The following ARMC2 variants were observed in gnomAD, a reference collection of about 807,000 sequenced individuals.
ARMC2 encodes armadillo repeat-containing protein 2.
In ARMC2, 67 loss-of-function variants were observed where a neutral mutation model predicts 90.3. The ratio of observed to expected loss-of-function variants is 0.74; its 90% CI spans 0.61 to 0.91. The LOEUF (loss-of-function observed/expected upper bound fraction) is 0.91, where lower values mean the gene tolerates loss of function less well. ARMC2 is among the 40% of genes least tolerant of loss of function. The probability of loss-of-function intolerance (pLI) is 0.00; values close to 1 mark genes in which losing one functional copy is unlikely to be tolerated. For synonymous variants in ARMC2, 393 were observed against 393.0 expected (o/e 1.00, Z 0.00); for missense variants, 920 against 1,030.9 (o/e 0.89, Z 1.47).
rs971423123 is a variant in ARMC2 at position 108,883,247 on chromosome 6, A to G, written c.671+6897A>G. 3.8e-4 allele frequency among the ~76,000 whole-genome samples: 58 copies of G among 152,248 alleles called. 1 individual carries two copies. The highest frequency in any genetic ancestry group is 2.5e-4 in the Non-Finnish European group (17 of 68,050). ...AACTGAAGAATTGTATTGCCAGTCC[A>G]GTTGTACAGAAGCAACAGATAGACA... On this transcript the variant is annotated intron_variant, in intron 5 of 17. Coordinates refer to ENST00000392644, the MANE Select transcript of ARMC2 (RefSeq NM_032131.6).
At chr6:108,987,420 G>A in the ARMC2 span, 1 of 568,918 alleles carries the variant, frequency 1.8e-6, no homozygotes, top group Admixed American at 3.0e-5. Flanking sequence ...AGAAACTAAA[G>A]GAATCATGGC....
intron 16 of ARMC2, among the ~76,000 whole-genome samples, chr6:108,964,746 C>T (rs914957341): frequency 4.0e-5 from 6 of 151,472 alleles, no homozygotes; most frequent in Non-Finnish European, 8.8e-5. Flanking sequence ...GCCGAGATCG[C>T]GCGACTGCAC....
chr6:108,853,342 A>C (rs1774196061), intron 1 of ARMC2, among the ~76,000 whole-genome samples: 1 of 152,152 alleles, frequency 6.6e-6, no homozygotes, highest in Admixed American at 6.5e-5. Context: ...ATAGAAATGG[A>C]ATCTTTTTAG....
At chr6:108,885,244 G>GTGTT (rs2128447782) in intron 5 of ARMC2, among the ~76,000 whole-genome samples, 1 of 152,126 alleles carries the variant, frequency 6.6e-6, no homozygotes, top group Non-Finnish European at 1.5e-5. Context: ...GTGTGTGTGT[G>GTGTT]TGTGTGTATG....
chr6:109,007,917 G>T, the ARMC2 span, among the ~76,000 whole-genome samples: 1 of 150,634 alleles, frequency 6.6e-6, no homozygotes. Context: ...TCCGTTTCTT[G>T]AAAGTGTTTA....
At chr6:108,854,994 A>ATATT (rs1774399028) in intron 2 of ARMC2, among the ~76,000 whole-genome samples, 1 of 152,142 alleles carries the variant, frequency 6.6e-6, no homozygotes, top group African/African-American at 2.4e-5. Flanking sequence ...ACAGTATGTC[A>ATATT]CCTTTTCAGA....
At chr6:109,029,290 T>C in the ARMC2 span, among the ~76,000 whole-genome samples, 1 of 152,150 alleles carries the variant, frequency 6.6e-6, no homozygotes, top group African/African-American at 2.4e-5. Flanking sequence ...ACAATAGAAA[T>C]CACGGGTTAA....
chr6:109,051,665 T>C, the ARMC2 span, among the ~76,000 whole-genome samples: 4 of 152,256 alleles, frequency 2.6e-5, no homozygotes, highest in African/African-American at 9.6e-5. Flanking sequence ...AATGTGACAT[T>C]GTCTTACTCC....
At chr6:108,978,990 G>A (rs1223483718), downstream of ARMC2, among the ~76,000 whole-genome samples, 10 of 152,032 alleles carry the variant, frequency 6.6e-5, no homozygotes, top group Non-Finnish European at 1.5e-4. Context: ...CATTTAACCT[G>A]TTTACATTTA....
rs147199512 is a variant in ARMC2, at chr6:108,884,150, G to A, written c.671+7800G>A. On this transcript the variant is annotated intron_variant, in intron 5 of 17. Coordinates refer to ENST00000392644, the MANE Select transcript of ARMC2 (RefSeq NM_032131.6). The stretch of plus-strand genomic sequence containing the variant: ...TTTGTAGAGACCCTCCTTTCTGTCC[G>A]ATAAGCGTTTCCTGGTAAGCAATGC... 4.4e-3 allele frequency among the ~76,000 whole-genome samples: 663 copies of A among 152,248 alleles called. 3 individuals are homozygous for A. Among genetic ancestry groups the A allele is most frequent in the Non-Finnish European group, 8.0e-3 (544 of 68,006 alleles).
At chr6:108,920,148 T>A (rs944087530) in intron 10 of ARMC2, among the ~76,000 whole-genome samples, 1 of 152,194 alleles carries the variant, frequency 6.6e-6, no homozygotes, top group East Asian at 1.9e-4. Context: ...GTCTTTGGTA[T>A]TGATCACTAC....
chr6:108,893,796 C>T (rs933086406), intron 5 of ARMC2, among the ~76,000 whole-genome samples: 3 of 152,054 alleles, frequency 2.0e-5, no homozygotes, highest in African/African-American at 4.8e-5. Context: ...GCGGGCAGAT[C>T]GCCTGAGGTC....
intron 8 of ARMC2, among the ~76,000 whole-genome samples, chr6:108,909,394 A>G (rs1773162277): frequency 6.6e-6 from 1 of 151,836 alleles, no homozygotes; most frequent in Non-Finnish European, 1.5e-5. Context: ...ACTACTTTAG[A>G]TAAATACACA....
At chr6:108,902,143 G>A (rs1459689694) in intron 7 of ARMC2, among the ~76,000 whole-genome samples, 1 of 152,198 alleles carries the variant, frequency 6.6e-6, no homozygotes, top group Non-Finnish European at 1.5e-5. Context: ...AAGTTACTCT[G>A]AGATTATGTT....
chr6:108,861,998 G>A (rs944106938), intron 3 of ARMC2, among the ~76,000 whole-genome samples: 8 of 152,118 alleles, frequency 5.3e-5, no homozygotes, highest in Non-Finnish European at 1.0e-4. Flanking sequence ...TCTGTTTAGG[G>A]TCATTGAACT....
chr6:108,889,614 A>T (rs867580284), intron 5 of ARMC2, among the ~76,000 whole-genome samples: 1 of 151,368 alleles, frequency 6.6e-6, no homozygotes, highest in Non-Finnish European at 1.5e-5. Context: ...TAGTTTTAAA[A>T]TTTTTTTTAG....
At chr6:108,860,398 C>T (rs1407434137) in intron 3 of ARMC2, among the ~76,000 whole-genome samples, 3 of 152,054 alleles carry the variant, frequency 2.0e-5, no homozygotes, top group African/African-American at 4.8e-5. Context: ...CGCGGTGGCT[C>T]ATGCCTGTAA....
At chr6:108,908,137 C>T (rs958520219) in intron 8 of ARMC2, among the ~76,000 whole-genome samples, 7 of 117,170 alleles carry the variant, frequency 6.0e-5, no homozygotes, top group Admixed American at 1.7e-4. Flanking sequence ...GTCGGTAGTG[C>T]TGGGGGGGGC....
intron 10 of ARMC2, among the ~76,000 whole-genome samples, chr6:108,920,480 G>A (rs1191418642): frequency 6.6e-6 from 1 of 152,140 alleles, no homozygotes; most frequent in African/African-American, 2.4e-5. Flanking sequence ...GTAGGCATTT[G>A]GGGCCCAGGT....
Sources: allele counts gnomAD v4.1 joint callset (sites outside exome capture counted in the v4.1 genomes callset), GRCh38; gene constraint gnomAD v4.1.1; transcripts MANE v1.5; gene names NCBI Gene and HGNC (gene_info 2026-07-23, HGNC 2026-07-21).